The following GNMT variants were observed in gnomAD, a reference collection of about 807,000 sequenced individuals.
GNMT encodes epididymis secretory sperm binding protein Li 182mP.
In GNMT, 26 loss-of-function variants were observed where a neutral mutation model predicts 30.2. The ratio of observed to expected loss-of-function variants is 0.86; its 90% CI spans 0.63 to 1.19. The LOEUF (loss-of-function observed/expected upper bound fraction) is 1.19. Ranked by LOEUF, GNMT falls within the 50% of genes most tolerant of loss-of-function variation. The pLI, the probability that GNMT is intolerant of heterozygous loss-of-function variation, is 0.00. For synonymous variants in GNMT, 163 were observed against 163.8 expected, an observed-to-expected ratio of 1.00 and a Z score of 0.04; for missense variants, 365 against 398.1, an observed-to-expected ratio of 0.92 and a Z score of 0.71.
chr6:42,962,342 A>T lies in GNMT; in HGVS notation c.334+3A>T. 1.2e-6 allele frequency: 2 copies of T among 1,613,940 alleles called. No homozygotes were observed. Among genetic ancestry groups the T allele is most frequent in the Non-Finnish European group, 1.7e-6 (2 of 1,179,984 alleles). ...CGAGCCCGCCTTCGACAAGTGGGGT[A>T]TGCAGGTCTAGCCAGGCTCCCCCAG... is the stretch of plus-strand genomic sequence containing the variant. On this transcript the variant is annotated splice_donor_region_variant and intron_variant, in intron 2 of 5. Transcript: ENST00000372808.
At chr6:42,961,626 T>C (rs992132746) in intron 1 of GNMT, among the ~76,000 whole-genome samples, 4 of 147,624 alleles carry the variant, frequency 2.7e-5, no homozygotes, top group Non-Finnish European at 4.4e-5. Context: ...CCATCTCGGC[T>C]CACTGCAAGC....
At chr6:42,961,711 G>C (rs1357690256) in intron 1 of GNMT, among the ~76,000 whole-genome samples, 2 of 151,842 alleles carry the variant, frequency 1.3e-5, no homozygotes, top group Admixed American at 1.3e-4. Flanking sequence ...CTGCCACCAC[G>C]CCCAGCTAAT....
At chr6:42,963,495 A>G in intron 5 of GNMT, 40 bp from the exon 6 acceptor site, 2 of 1,613,660 alleles carry the variant, frequency 1.2e-6, no homozygotes, top group Non-Finnish European at 1.7e-6. Flanking sequence ...GGGGGAGCTG[A>G]GGTCACCAGT....
intron 2 of GNMT, 97 bp downstream of exon 2, chr6:42,962,436 T>C: frequency 7.5e-7 from 1 of 1,340,438 alleles, no homozygotes. Context: ...TGGAGTGTTG[T>C]GTTTTCCTCG....
In GNMT at chr6:42,963,357, A is replaced by G; in HGVS notation, c.624A>G (p.Ser208=). The G allele has an allele frequency of 6.2e-7, 1 of 1,613,060 alleles. No homozygotes were observed. The stretch of plus-strand genomic sequence containing the variant: ...ACTTGACCAAGGACGTCACAACATC[A>G]GTGCTGATAGTGAACAACAAGGCCC... The part of the protein sequence containing the change: ...KSDLTKDVTT[S]VLIVNNKAHM... The change falls in exon 5 of 6, where the codon TCA becomes TCG. Residue 208 remains serine, a synonymous_variant. Transcript: ENST00000372808.
Position 42,962,258 on chromosome 6 carries a change from G to A in GNMT, c.253G>A (p.Val85Met), listed in dbSNP as rs1403403941. The change falls in exon 2 of 6, where the codon GTG becomes ATG. Residue 85 changes from valine to methionine, a missense_variant. Transcript: ENST00000372808. ...LVEEGFSVTS[V>M]DASDKMLKYA... ...GGAAGAGGGCTTCAGTGTGACGAGTGTGGATGCCAGTGACAAGATGCTGAA... is the reference window on the plus strand; with the variant it reads ...GGAAGAGGGCTTCAGTGTGACGAGTATGGATGCCAGTGACAAGATGCTGAA... 8 of 1,614,028 alleles carry A rather than the reference G, an allele frequency of 5.0e-6. No individual in the cohort carries two copies. The African/African-American group carries it at 9.3e-5, about 19-fold the overall frequency.
In GNMT at chr6:42,963,618, A is replaced by C; in HGVS notation, c.800A>C (p.His267Pro). Residue 267 changes from histidine (H) to proline (P), a missense_variant, in exon 6 of 6, where the codon CAC becomes CCC. By Grantham distance (77) the His-to-Pro change is moderately conservative. Coordinates refer to ENST00000372808, the MANE Select transcript of GNMT (RefSeq NM_018960.6). ...LQAAFGGKCQHSVLGDFKPYK... is the reference protein window; with the variant it reads ...LQAAFGGKCQPSVLGDFKPYK... Reference sequence around the variant, plus strand: ...GCAGCCTTCGGAGGTAAGTGCCAGCACAGCGTCCTGGGCGACTTCAAGCCT... The same window carrying C: ...GCAGCCTTCGGAGGTAAGTGCCAGCCCAGCGTCCTGGGCGACTTCAAGCCT... 1 of 1,614,172 alleles carries C rather than the reference A, an allele frequency of 6.2e-7. No individual in the cohort carries two copies. The highest frequency in any genetic ancestry group is 8.5e-7 in the Non-Finnish European group (1 of 1,180,014).
chr6:42,961,061 C>A, intron 1 of GNMT, 88 bp downstream of exon 1: 2 of 1,140,020 alleles, frequency 1.8e-6, no homozygotes, highest in South Asian at 1.6e-5. Flanking sequence ...CAGGGCCGGG[C>A]ACGTCAGGGC....
chr6:42,961,092 C>CG (rs1769360429), intron 1 of GNMT, 119 bp downstream of exon 1: 2 of 843,376 alleles, frequency 2.4e-6, no homozygotes, highest in Non-Finnish European at 1.8e-6. Context: ...AATCCTGGAA[C>CG]GGGTGGGACA....
At chr6:42,960,997 G>C (rs1337888798) in intron 1 of GNMT, 24 bp downstream of exon 1, 1 of 1,521,858 alleles carries the variant, frequency 6.6e-7, no homozygotes, top group Admixed American at 2.0e-5. Context: ...GGGGCCGGGG[G>C]CGTTGCATGA....
chr6:42,963,248 G>A (rs1175135332), intron 4 of GNMT, 34 bp downstream of exon 4: 4 of 1,054,886 alleles, frequency 3.8e-6, no homozygotes, highest in Non-Finnish European at 5.3e-6. Context: ...GGGGGTGGGG[G>A]TGGGGGTGGG....
chr6:42,963,092 C>A lies in GNMT; in HGVS notation c.472C>A (p.Leu158Met), dbSNP rs1165918459. The stretch of plus-strand genomic sequence containing the variant: ...CTCAGGGGACCAGAGTGAGCACCGG[C>A]TGGCGCTGAAAAACATTGCGAGCAT... ...DCKGDQSEHR[L>M]ALKNIASMVR... The change falls in exon 4 of 6, where the codon CTG (leucine) becomes ATG (methionine). Residue 158 changes from leucine to methionine, a missense_variant. This residue lies in a region of GNMT where 232 missense variants were observed against 263.0 expected (regional missense o/e 0.88). Transcript: ENST00000372808. 2 of 1,612,286 alleles carry A rather than the reference C, an allele frequency of 1.2e-6. No homozygotes were observed. The highest frequency in any genetic ancestry group is 2.7e-5 in the African/African-American group (2 of 74,834).
rs1769439184 is a variant in GNMT, at chr6:42,962,281, G to A, written c.276G>A (p.Leu92=). 1.2e-6 allele frequency: 2 copies of A among 1,614,040 alleles called. No individual in the cohort carries two copies. The highest frequency in any genetic ancestry group is 2.2e-5 in the South Asian group (2 of 91,086). The change falls in exon 2 of 6, where the codon CTG becomes CTA. Residue 92 remains leucine, a synonymous_variant. Transcript: ENST00000372808. ...GTGTGGATGCCAGTGACAAGATGCT[G>A]AAGTATGCACTTAAGGAGCGCTGGA... ...VTSVDASDKM[L]KYALKERWNR... is the part of the protein sequence containing the mutation.
chr6:42,962,170 C>CCTAA, intron 1 of GNMT, 42 bp from the exon 2 acceptor site: 1 of 1,613,700 alleles, frequency 6.2e-7, no homozygotes, highest in Non-Finnish European at 8.5e-7. Flanking sequence ...CCCAGGCTCC[C>CCTAA]CTAACTGCCT....
At position 42,963,153 on chromosome 6, in the gene GNMT, G is replaced by A. The variant is rs566244116; in HGVS notation, c.533G>A (p.Arg178His). ...GGGGGCCTACTGGTCATTGATCATCGCAACTACGACCACATCCTCAGTACA... is the reference window on the plus strand; with the variant it reads ...GGGGGCCTACTGGTCATTGATCATCACAACTACGACCACATCCTCAGTACA... ...RAGGLLVIDH[R>H]NYDHILSTGC... Residue 178 changes from arginine to histidine, a missense_variant, in exon 4 of 6, where the codon CGC becomes CAC. Arg to His is a conservative substitution (Grantham distance 29, BLOSUM62 0). Around this residue, in one of 3 missense-constraint regions of GNMT, gnomAD observed 232 missense variants for 263.0 expected, o/e 0.88. Transcript: ENST00000372808. The A allele has an allele frequency of 8.1e-6, 13 of 1,610,020 alleles. No homozygotes were observed. Among genetic ancestry groups the A allele is most frequent in the South Asian group, 5.5e-5 (5 of 90,982 alleles).
chr6:42,961,550 CTTTTTTTTTT>C (rs575786265), intron 1 of GNMT, among the ~76,000 whole-genome samples: 3 of 130,614 alleles, frequency 2.3e-5, no homozygotes, highest in Non-Finnish European at 4.8e-5. Flanking sequence ...CTATTTTTCT[CTTTTTTTTTT>C]TTTTTTTTTT....
chr6:42,961,654 T>C (rs984385014), intron 1 of GNMT, among the ~76,000 whole-genome samples: 29 of 150,584 alleles, frequency 1.9e-4, no homozygotes, highest in African/African-American at 6.1e-4. Context: ...CCTGAGTTCA[T>C]GCCATTCTCC....
intron 1 of GNMT, among the ~76,000 whole-genome samples, chr6:42,961,592 C>T (rs1206311070): frequency 5.0e-5 from 7 of 138,714 alleles, no homozygotes. Context: ...CGTGCTCTGT[C>T]GCCCAGGCTG....
intron 1 of GNMT, among the ~76,000 whole-genome samples, 183 bp downstream of exon 1, chr6:42,961,156 T>C (rs1769365277): frequency 6.6e-6 from 1 of 152,002 alleles, no homozygotes; most frequent in Non-Finnish European, 1.5e-5. Context: ...GAGTGCCCCG[T>C]GAGGCTAGGG....
Sources: gnomAD v4.1 joint callset for allele counts (sites outside exome capture counted in the v4.1 genomes callset) on GRCh38, gnomAD v4.1.1 for gene constraint, gnomAD v4.1.1 regional missense constraint, MANE v1.5 for transcripts, NCBI Gene and HGNC (gene_info 2026-07-23, HGNC 2026-07-21) for gene names.